The following SEZ6 variants were observed in gnomAD, a reference collection of about 807,000 sequenced individuals.
SEZ6 encodes seizure related 6 homolog.
A neutral mutation model predicts 101.0 loss-of-function variants in SEZ6; 53 were observed. That is an observed-to-expected ratio of 0.52 (90% confidence interval 0.42 to 0.66). The LOEUF is 0.66. Among genes scored for constraint, SEZ6 ranks in the 30% least tolerant of loss-of-function variants. The pLI is 0.00. For synonymous variants in SEZ6, 488 were observed against 512.2 expected, an observed-to-expected ratio of 0.95 and a Z score of 0.64; for missense variants, 1,102 against 1,289.4, an observed-to-expected ratio of 0.85 and a Z score of 2.23.
intron 1 of SEZ6, among the ~76,000 whole-genome samples, chr17:28,992,344 G>A (rs1456924022): frequency 6.6e-6 from 1 of 152,184 alleles, no homozygotes; most frequent in Non-Finnish European, 1.5e-5. Context: ...GCTGCTTCGT[G>A]TGAGCATGTG....
chr17:28,957,755 ATAC>A, intron 11 of SEZ6, 189 bp downstream of exon 11: 1 of 850,710 alleles, frequency 1.2e-6, no homozygotes, highest in Non-Finnish European at 1.8e-6. Context: ...CAGGAATGAA[ATAC>A]TTAGAGTACG....
chr17:28,970,675 G>A (rs1048901991), intron 3 of SEZ6, among the ~76,000 whole-genome samples: 1 of 152,190 alleles, frequency 6.6e-6, no homozygotes, highest in Admixed American at 6.5e-5. Context: ...CTTCCTGCCT[G>A]TAGGGCTTAA....
At chr17:28,972,602 G>A (rs1391913246) in intron 3 of SEZ6, among the ~76,000 whole-genome samples, 3 of 152,220 alleles carry the variant, frequency 2.0e-5, no homozygotes, top group Non-Finnish European at 4.4e-5. Flanking sequence ...GGCACGTTTG[G>A]GCGGAGGCTG....
At chr17:29,002,371 C>T (rs1032921864) in intron 1 of SEZ6, among the ~76,000 whole-genome samples, 9 of 152,168 alleles carry the variant, frequency 5.9e-5, no homozygotes, top group African/African-American at 2.2e-4. Flanking sequence ...TTAAGCCCAG[C>T]CCTTGTGTCT....
At position 28,955,563 on chromosome 17, in the gene SEZ6, A is replaced by G. The variant is rs577663825; in HGVS notation, c.*399T>C. Reference sequence around the variant, plus strand: ...CCTGGTGCAGTTCCCACCATGGTCAAGTTAATCCTGCTGCAGGTTGCCATG... The same window carrying G: ...CCTGGTGCAGTTCCCACCATGGTCAGGTTAATCCTGCTGCAGGTTGCCATG... On this transcript the variant is annotated 3_prime_UTR_variant, in exon 17 of 17. Coordinates refer to ENST00000317338, the MANE Select transcript of SEZ6 (RefSeq NM_178860.5). The G allele has an allele frequency of 6.4e-6, 3 of 466,086 alleles. No homozygotes were observed. In the East Asian group the frequency reaches 1.9e-4, roughly 30 times the overall value. The allele number at this position is 466,086 out of a possible 1,614,324, so 28.9% of individuals were successfully genotyped here. A position where few individuals can be genotyped will look rare whatever the true frequency, so the allele number is the denominator to read the frequency against.
At chr17:28,992,011 C>T (rs2041468117) in intron 1 of SEZ6, among the ~76,000 whole-genome samples, 1 of 152,218 alleles carries the variant, frequency 6.6e-6, no homozygotes, top group African/African-American at 2.4e-5. Context: ...CCCTGCCTCA[C>T]TGCCCAGCCA....
chr17:28,969,349 T>C (rs2041116387), intron 4 of SEZ6, among the ~76,000 whole-genome samples: 1 of 152,196 alleles, frequency 6.6e-6, no homozygotes, highest in Admixed American at 6.5e-5. Flanking sequence ...TCTATTGTTA[T>C]TGCCTGTTTA....
At chr17:28,985,815 C>A (rs1377410200) in intron 1 of SEZ6, among the ~76,000 whole-genome samples, 2 of 152,248 alleles carry the variant, frequency 1.3e-5, no homozygotes, top group Non-Finnish European at 2.9e-5. Context: ...CAAAGGGCGA[C>A]CACCTTCAAG....
At chr17:28,983,383 G>A (rs2041336973) in intron 1 of SEZ6, among the ~76,000 whole-genome samples, 1 of 152,078 alleles carries the variant, frequency 6.6e-6, no homozygotes. Context: ...CCTAATCCAT[G>A]GCAGGCATTG....
At chr17:28,982,109 AGTGGGGGGG>A in intron 1 of SEZ6, 70 bp from the exon 2 acceptor site, 1 of 1,484,220 alleles carries the variant, frequency 6.7e-7, no homozygotes, top group Non-Finnish European at 8.9e-7. Flanking sequence ...CAACTCGAGT[AGTGGGGGGG>A]CCCGCTCTCT....
chr17:28,989,033 G>T (rs1366821190), intron 1 of SEZ6, among the ~76,000 whole-genome samples: 1 of 152,146 alleles, frequency 6.6e-6, no homozygotes, highest in African/African-American at 2.4e-5. Flanking sequence ...GTGGGCTTTG[G>T]CATCTCCAGA....
At chr17:28,977,404 GCC>G (rs1294354289) in intron 3 of SEZ6, among the ~76,000 whole-genome samples, 1 of 152,274 alleles carries the variant, frequency 6.6e-6, no homozygotes, top group Non-Finnish European at 1.5e-5. Context: ...CAAGGACCCT[GCC>G]CCCATGGCAC....
intron 1 of SEZ6, among the ~76,000 whole-genome samples, chr17:28,985,091 G>C (rs1382257611): frequency 6.6e-6 from 1 of 152,214 alleles, no homozygotes; most frequent in Non-Finnish European, 1.5e-5. Context: ...CAGTGACGCA[G>C]CTGGGATTTA....
intron 1 of SEZ6, among the ~76,000 whole-genome samples, chr17:28,999,114 G>T (rs2041581201): frequency 6.6e-6 from 1 of 152,172 alleles, no homozygotes; most frequent in African/African-American, 2.4e-5. Flanking sequence ...AGGATGGATG[G>T]ATGGAGGATG....
chr17:28,996,704 G>A (rs911466531), intron 1 of SEZ6, among the ~76,000 whole-genome samples: 2 of 152,074 alleles, frequency 1.3e-5, no homozygotes, highest in African/African-American at 4.8e-5. Flanking sequence ...ACAGGTGAAC[G>A]AGCCAGGCAG....
At chr17:28,972,148 C>T (rs1187409603) in intron 3 of SEZ6, among the ~76,000 whole-genome samples, 5 of 152,250 alleles carry the variant, frequency 3.3e-5, no homozygotes, top group African/African-American at 9.6e-5. Context: ...AGGGCCGCAT[C>T]GTCTGCCTCC....
intron 1 of SEZ6, among the ~76,000 whole-genome samples, chr17:28,993,464 G>A (rs1438539604): frequency 2.0e-5 from 3 of 152,320 alleles, no homozygotes; most frequent in South Asian, 2.1e-4. Flanking sequence ...CACCATATCA[G>A]CAGCAGAGAC....
At chr17:28,985,757 A>C (rs2041370969) in intron 1 of SEZ6, among the ~76,000 whole-genome samples, 1 of 152,340 alleles carries the variant, frequency 6.6e-6, no homozygotes, top group South Asian at 2.1e-4. Flanking sequence ...TGTGACCCTG[A>C]GGATGTCAAA....
chr17:28,972,769 A>G (rs2041171651), intron 3 of SEZ6, among the ~76,000 whole-genome samples: 1 of 152,220 alleles, frequency 6.6e-6, no homozygotes, highest in African/African-American at 2.4e-5. Flanking sequence ...CAGGCAGCAT[A>G]TAATTCCGCC....
Sources: allele counts gnomAD v4.1 joint callset (sites outside exome capture counted in the v4.1 genomes callset), GRCh38; gene constraint gnomAD v4.1.1; transcripts MANE v1.5; gene names NCBI Gene and HGNC (gene_info 2026-07-23, HGNC 2026-07-21).